The following OR14I1 variants were observed in gnomAD, a reference collection of about 807,000 sequenced individuals.
OR14I1 encodes the protein olfactory receptor family 14 subfamily I member 1.
For synonymous variants in OR14I1, 118 were observed against 71.1 expected (o/e 1.66, Z -3.32); for missense variants, 279 against 181.8 (o/e 1.53, Z -3.07).
chr1:248,680,361 A>G (rs1008346971), downstream of OR14I1, among the ~76,000 whole-genome samples: 1 of 152,210 alleles, frequency 6.6e-6, no homozygotes, highest in East Asian at 1.9e-4. Flanking sequence ...CCAGTGCCTA[A>G]TGGAGAGGTC....
At chr1:248,700,462 T>C in the OR14I1 span, among the ~76,000 whole-genome samples, 3 of 152,252 alleles carry the variant, frequency 2.0e-5, no homozygotes, top group African/African-American at 4.8e-5. Flanking sequence ...ATGGCTTTTC[T>C]TCTCAAAGGA....
chr1:248,697,962 C>A, the OR14I1 span, among the ~76,000 whole-genome samples: 2 of 152,130 alleles, frequency 1.3e-5, no homozygotes, highest in African/African-American at 4.8e-5. Flanking sequence ...ATACAAAATT[C>A]TAAATTAATT....
chr1:248,679,969 A>T (rs1661530903), downstream of OR14I1, among the ~76,000 whole-genome samples: 1 of 152,248 alleles, frequency 6.6e-6, no homozygotes, highest in South Asian at 2.1e-4. Context: ...AATTATAAAC[A>T]ATATTTAATG....
At chr1:248,684,018 G>GCATA (rs1661603969), upstream of OR14I1, among the ~76,000 whole-genome samples, 1 of 143,176 alleles carries the variant, frequency 7.0e-6, no homozygotes. Flanking sequence ...GGCAATAAGG[G>GCATA]CATAACTCCA....
the OR14I1 span, among the ~76,000 whole-genome samples, chr1:248,688,663 T>C: frequency 4.6e-5 from 7 of 152,304 alleles, no homozygotes; most frequent in African/African-American, 1.7e-4. Context: ...TGAATAATAT[T>C]TCCCCCCACC....
the OR14I1 span, among the ~76,000 whole-genome samples, chr1:248,693,330 T>C: frequency 6.6e-6 from 1 of 152,258 alleles, no homozygotes; most frequent in African/African-American, 2.4e-5. Context: ...CCTGGTTCCC[T>C]CAGCCTCTCA....
upstream of OR14I1, among the ~76,000 whole-genome samples, chr1:248,686,596 GA>G (rs1338538963): frequency 1.7e-5 from 2 of 119,386 alleles, no homozygotes; most frequent in Non-Finnish European, 3.8e-5. Context: ...TGTTTCATTG[GA>G]AAAAAATATG....
chr1:248,680,255 C>T (rs981939308), downstream of OR14I1, among the ~76,000 whole-genome samples: 3 of 152,046 alleles, frequency 2.0e-5, no homozygotes, highest in African/African-American at 4.8e-5. Flanking sequence ...GGCAGCATAT[C>T]GAAGAATTAT....
chr1:248,682,229 C>A (rs558079121), exon 1 of OR14I1: 4 of 779,442 alleles, frequency 5.1e-6, no homozygotes, highest in Non-Finnish European at 4.8e-6. Flanking sequence ...AACAGCCCGG[C>A]GTGCAGCACC....
At chr1:248,696,658 T>C in the OR14I1 span, among the ~76,000 whole-genome samples, 1 of 152,192 alleles carries the variant, frequency 6.6e-6, no homozygotes, top group Admixed American at 6.5e-5. Flanking sequence ...TTTTCAGGCC[T>C]CCACTCAAAA....
chr1:248,683,379 A>T (rs998580982), upstream of OR14I1, among the ~76,000 whole-genome samples: 2 of 152,234 alleles, frequency 1.3e-5, no homozygotes, highest in African/African-American at 4.8e-5. Flanking sequence ...TGACTCAAAT[A>T]TTCTCACTAA....
the OR14I1 span, among the ~76,000 whole-genome samples, chr1:248,689,389 C>T: frequency 6.6e-6 from 1 of 152,172 alleles, no homozygotes; most frequent in East Asian, 1.9e-4. Context: ...CCTTACCTAC[C>T]AGAGGCCTCC....
At chr1:248,680,894 T>C (rs1408903693), downstream of OR14I1, among the ~76,000 whole-genome samples, 2 of 152,090 alleles carry the variant, frequency 1.3e-5, no homozygotes, top group Non-Finnish European at 2.9e-5. Context: ...CATACGTTCC[T>C]GTTCTAATAA....
At chr1:248,695,938 C>A in the OR14I1 span, among the ~76,000 whole-genome samples, 2 of 152,226 alleles carry the variant, frequency 1.3e-5, no homozygotes, top group African/African-American at 4.8e-5. Flanking sequence ...ACTGAGAAAT[C>A]TGGATCCTGG....
chr1:248,681,828 G>C, exon 1 of OR14I1: 2 of 781,086 alleles, frequency 2.6e-6, no homozygotes, highest in Non-Finnish European at 4.8e-6. Flanking sequence ...GAAACATGTT[G>C]CCAGTGTGGA....
upstream of OR14I1, among the ~76,000 whole-genome samples, chr1:248,685,153 C>T (rs1256396603): frequency 6.6e-6 from 1 of 151,676 alleles, no homozygotes; most frequent in African/African-American, 2.4e-5. Flanking sequence ...TTTTCTTTGA[C>T]ATTATAGATT....
At chr1:248,683,192 C>A (rs984134231), upstream of OR14I1, among the ~76,000 whole-genome samples, 1 of 152,202 alleles carries the variant, frequency 6.6e-6, no homozygotes, top group Non-Finnish European at 1.5e-5. Flanking sequence ...GGATGTGTTG[C>A]TGACCTCTGC....
the OR14I1 span, among the ~76,000 whole-genome samples, chr1:248,691,176 G>A: frequency 1.8e-3 from 274 of 152,302 alleles, 1 homozygote; most frequent in African/African-American, 6.4e-3. Flanking sequence ...TTGGGTAACA[G>A]GAAGAATTCT....
the OR14I1 span, among the ~76,000 whole-genome samples, chr1:248,696,653 A>C: frequency 2.0e-5 from 3 of 152,284 alleles, no homozygotes; most frequent in East Asian, 5.8e-4. Flanking sequence ...GACCTTTTTC[A>C]GGCCTCCACT....
Sources: allele counts gnomAD v4.1 joint callset (sites outside exome capture counted in the v4.1 genomes callset), GRCh38; gene constraint gnomAD v4.1.1; transcripts MANE v1.5; gene names NCBI Gene and HGNC (gene_info 2026-07-23, HGNC 2026-07-21).